The following TBX18 variants were observed in gnomAD, a reference collection of about 807,000 sequenced individuals.
TBX18 encodes the protein T-box transcription factor 18.
A neutral mutation model predicts 55.0 loss-of-function variants in TBX18; 21 were observed. That is an observed-to-expected ratio of 0.38 (90% confidence interval 0.27 to 0.55). The LOEUF is 0.55. Among genes scored for constraint, TBX18 ranks in the 20% least tolerant of loss-of-function variants. The pLI, the probability that TBX18 is intolerant of heterozygous loss-of-function variation, is 0.73. For synonymous variants in TBX18, 342 were observed against 326.1 expected (o/e 1.05, Z -0.53); for missense variants, 840 against 799.6 (o/e 1.05, Z -0.61).
chr6:84,745,651 G>C (rs1461968414), intron 5 of TBX18, among the ~76,000 whole-genome samples: 3 of 152,026 alleles, frequency 2.0e-5, no homozygotes, highest in Non-Finnish European at 4.4e-5. Context: ...CTTCTTTACA[G>C]ATCAATATAG....
At position 84,762,649 on chromosome 6, in the gene TBX18, G is replaced by A. The variant is rs200869232; in HGVS notation, c.392C>T (p.Thr131Ile). The part of the protein sequence containing the change: ...SPARSLARPG[T>I]PLPSPQAPRV... Reference sequence around the variant, plus strand: ...CGGGGCCTGCGGCGAGGGCAGAGGGGTCCCGGGCCGGGCCAGGGAGCGCGC... The same window carrying A: ...CGGGGCCTGCGGCGAGGGCAGAGGGATCCCGGGCCGGGCCAGGGAGCGCGC... The change falls in exon 2 of 8, where the codon ACC becomes ATC. Residue 131 changes from threonine (T) to isoleucine (I), a missense_variant. By Grantham distance (89) the Thr-to-Ile change is moderately conservative (BLOSUM62 -1). Transcript: ENST00000369663. 62 of 1,610,948 alleles carry A rather than the reference G, an allele frequency of 3.8e-5. No individual in the cohort carries two copies. In the Admixed American group the frequency reaches 9.9e-4, roughly 26 times the overall value.
Position 84,763,921 on chromosome 6 carries a change from C to T in TBX18, c.261G>A (p.Arg87=). ...CTCCGCGCTCCAGGTCTGCGCCACT[C>T]CGAGCCGGCCCAGACGTCGCCCCAG... ...PPAGATSGPA[R]SGADLERGAA... The change falls in exon 1 of 8, where the codon CGG becomes CGA. Residue 87 remains arginine, a synonymous_variant. Transcript: ENST00000369663. 1 of 1,562,044 alleles carries T rather than the reference C, an allele frequency of 6.4e-7. No homozygotes were observed. Among genetic ancestry groups the T allele is most frequent in the African/African-American group, 1.4e-5 (1 of 72,856 alleles).
intron 3 of TBX18, among the ~76,000 whole-genome samples, chr6:84,758,412 A>C (rs1353254738): frequency 6.6e-6 from 1 of 151,662 alleles, no homozygotes; most frequent in African/African-American, 2.4e-5. Context: ...CATCTCAAAA[A>C]AAAAAAAAAA....
chr6:84,763,917 C>T lies in TBX18; in HGVS notation c.265G>A (p.Gly89Ser), dbSNP rs1361385566. Reference protein sequence around the residue: ...AGATSGPARSGADLERGAAGG... With the variant: ...AGATSGPARSSADLERGAAGG... Reference sequence around the variant, plus strand: ...GCGGCTCCGCGCTCCAGGTCTGCGCCACTCCGAGCCGGCCCAGACGTCGCC... The same window carrying T: ...GCGGCTCCGCGCTCCAGGTCTGCGCTACTCCGAGCCGGCCCAGACGTCGCC... Residue 89 changes from glycine (G) to serine (S), a missense_variant, in exon 1 of 8, where the codon GGC (glycine) becomes AGC (serine). Physicochemically the swap from Gly to Ser is moderately conservative, Grantham distance 56. Coordinates refer to ENST00000369663, the MANE Select transcript of TBX18 (RefSeq NM_001080508.3). 1.9e-6 allele frequency: 3 copies of T among 1,556,582 alleles called. No individual in the cohort carries two copies. Among genetic ancestry groups the T allele is most frequent in the African/African-American group, 1.4e-5 (1 of 72,484 alleles).
chr6:84,746,211 A>C (rs1474249025), intron 5 of TBX18, among the ~76,000 whole-genome samples: 3 of 152,160 alleles, frequency 2.0e-5, no homozygotes, highest in Admixed American at 6.6e-5. Context: ...CAAAGTGCAC[A>C]GTTAATTTGT....
intron 1 of TBX18, chr6:84,762,969 C>T (rs1767696343): frequency 3.4e-6 from 2 of 585,350 alleles, no homozygotes; most frequent in Admixed American, 6.4e-5. Flanking sequence ...CCTGCTTGGT[C>T]CCCAAGTCCC....
Position 84,763,949 on chromosome 6 carries a change from G to A in TBX18, c.233C>T (p.Pro78Leu). Residue 78 changes from proline (P) to leucine (L), a missense_variant, in exon 1 of 8, where the codon CCG becomes CTG. Transcript: ENST00000369663. ...AGCCGGCCCAGACGTCGCCCCAGCC[G>A]GCGGCGGGAGCGCAGCGCCTTCGTC... ...EGDEGAALPP[P>L]AGATSGPARS... 1 of 1,578,956 alleles carries A rather than the reference G, an allele frequency of 6.3e-7. No homozygotes were observed.
At chr6:84,738,451 G>C (rs1766944291) in intron 7 of TBX18, 46 bp downstream of exon 7, 1 of 1,448,756 alleles carries the variant, frequency 6.9e-7, no homozygotes, top group Non-Finnish European at 9.7e-7. Context: ...TGAGTTTCTA[G>C]GCAGGAACGG....
chr6:84,746,444 AAT>A (rs1400686994), intron 5 of TBX18, among the ~76,000 whole-genome samples: 1 of 147,098 alleles, frequency 6.8e-6, no homozygotes, highest in Non-Finnish European at 1.5e-5. Context: ...TATATTATAT[AAT>A]ATTTCGTATA....
In TBX18 at chr6:84,736,810, G is replaced by C; in HGVS notation, c.1699C>G (p.Gln567Glu). ...ACTCCTTCCACAGGGGGCAACATCTGCCGATCCGTCATGGTCCCACTCGGT... is the reference window on the plus strand; with the variant it reads ...ACTCCTTCCACAGGGGGCAACATCTCCCGATCCGTCATGGTCCCACTCGGT... ...SSPSGTMTDR[Q>E]MLPPVEGVHL... The change falls in exon 8 of 8, where the codon CAG (glutamine) becomes GAG (glutamate). Residue 567 changes from glutamine to glutamate, a missense_variant. Coordinates refer to ENST00000369663, the MANE Select transcript of TBX18 (RefSeq NM_001080508.3). 6.2e-7 allele frequency: 1 copy of C among 1,614,150 alleles called. No individual in the cohort carries two copies.
intron 5 of TBX18, among the ~76,000 whole-genome samples, 200 bp downstream of exon 5, chr6:84,747,719 GT>G (rs1423910638): frequency 6.6e-6 from 1 of 152,092 alleles, no homozygotes; most frequent in Non-Finnish European, 1.5e-5. Flanking sequence ...ACAAGACATG[GT>G]TTGTCTAAAG....
chr6:84,762,238 G>C (rs986239099), intron 2 of TBX18, among the ~76,000 whole-genome samples: 10 of 152,132 alleles, frequency 6.6e-5, no homozygotes, highest in Non-Finnish European at 1.3e-4. Flanking sequence ...GGGTAAATAT[G>C]ACCTCAAATT....
rs1289213031 is a variant in TBX18, at chr6:84,762,653, C to A, written c.388G>T (p.Gly130Trp). 1.2e-6 allele frequency: 2 copies of A among 1,610,716 alleles called. No individual in the cohort carries two copies. The highest frequency in any genetic ancestry group is 2.2e-5 in the East Asian group (1 of 44,770). The change falls in exon 2 of 8, where the codon GGG becomes TGG. Residue 130 changes from glycine to tryptophan, a missense_variant. Coordinates refer to ENST00000369663, the MANE Select transcript of TBX18 (RefSeq NM_001080508.3). ...GSPARSLARP[G>W]TPLPSPQAPR... ...GCCTGCGGCGAGGGCAGAGGGGTCC[C>A]GGGCCGGGCCAGGGAGCGCGCCGGA... is the stretch of plus-strand genomic sequence containing the variant.
rs1190476221 is a variant in TBX18, at chr6:84,747,969, G to A, written c.890C>T (p.Ser297Phe). ...GGTTGTGAAGACAGTTTCTGGAAAG[G>A]AGAATGCCTTTACTCCCTCCCCGGA... ...VPSGEGVKAF[S>F]FPETVFTTVT... Residue 297 changes from serine (S) to phenylalanine (F), a missense_variant, in exon 5 of 8, where the codon TCC (serine) becomes TTC (phenylalanine). Coordinates refer to ENST00000369663, the MANE Select transcript of TBX18 (RefSeq NM_001080508.3). The A allele has an allele frequency of 6.2e-7, 1 of 1,613,310 alleles. No individual in the cohort carries two copies.
At chr6:84,749,752 T>C (rs1366478737) in intron 4 of TBX18, among the ~76,000 whole-genome samples, 3 of 151,958 alleles carry the variant, frequency 2.0e-5, no homozygotes, top group Admixed American at 6.6e-5. Context: ...TAGTGACTTA[T>C]GAAATCAACA....
intron 5 of TBX18, among the ~76,000 whole-genome samples, chr6:84,746,868 T>C (rs906898295): frequency 1.3e-5 from 2 of 150,952 alleles, no homozygotes; most frequent in Non-Finnish European, 3.0e-5. Context: ...TCTATTAGCA[T>C]AGATAATAAA....
At chr6:84,760,228 T>A (rs1562266911) in intron 3 of TBX18, 27 bp downstream of exon 3, 2 of 1,387,898 alleles carry the variant, frequency 1.4e-6, no homozygotes, top group South Asian at 1.5e-5. Context: ...TTTTTTTTTT[T>A]AATTGTTCAG....
chr6:84,753,047 A>G (rs1212231357), intron 4 of TBX18, among the ~76,000 whole-genome samples: 2 of 152,206 alleles, frequency 1.3e-5, no homozygotes, highest in Non-Finnish European at 2.9e-5. Flanking sequence ...TCTTCTGCAT[A>G]TGGGTAGCTC....
intron 1 of TBX18, chr6:84,763,459 C>G: frequency 2.1e-6 from 1 of 465,452 alleles, no homozygotes; most frequent in Non-Finnish European, 4.3e-6. Context: ...ATGCCGCCCT[C>G]TTCCTGGTTT....
Sources: gnomAD v4.1 joint callset for allele counts (sites outside exome capture counted in the v4.1 genomes callset) on GRCh38, gnomAD v4.1.1 for gene constraint, MANE v1.5 for transcripts, NCBI Gene and HGNC (gene_info 2026-07-23, HGNC 2026-07-21) for gene names.